Variants in COL4A6 observed in about 807,000 individuals in gnomAD.
COL4A6 encodes the protein collagen alpha-6(IV) chain.
COL4A6 carries 59 observed loss-of-function variants against 126.7 expected under a neutral mutation model. That is an observed-to-expected ratio of 0.47 (90% confidence interval 0.38 to 0.58). COL4A6 has a LOEUF of 0.58. COL4A6 is among the 20% of genes least tolerant of loss of function. COL4A6 has a pLI of 0.00. For missense variants in COL4A6, 1,285 were observed against 1,337.3 expected, an observed-to-expected ratio of 0.96 and a Z score of 0.61; for synonymous variants, 547 against 496.6, an observed-to-expected ratio of 1.10 and a Z score of -1.35.
At chrX:108,323,153 G>A (rs2039069844) in intron 2 of COL4A6, among the ~76,000 whole-genome samples, 2 of 111,789 alleles carry the variant, frequency 1.8e-5, no homozygotes, top group Admixed American at 1.9e-4. Flanking sequence ...AAAGTAGGAG[G>A]GGAAAGTAGA....
chrX:108,438,184 A>G lies in COL4A6; in HGVS notation c.11+2T>C. 8.3e-7 allele frequency: 1 copy of G among 1,201,444 alleles called. No individual in the cohort carries two copies. The highest frequency in any genetic ancestry group is 1.1e-6 in the Non-Finnish European group (1 of 891,345). ...GGGGAGCTCGGGGCAGCAACAGCTC[A>G]CCCAGGGTGCATGCTTGCGGCTCCT... On this transcript the variant is annotated splice_donor_variant, in intron 1 of 44. Coordinates refer to ENST00000334504, the MANE Select transcript of COL4A6 (RefSeq NM_033641.4). LOFTEE classifies it high-confidence loss of function.
Position 108,217,661 on chromosome X carries a change from C to T in COL4A6, c.324+2037G>A, listed in dbSNP as rs545482628. Among the ~76,000 whole-genome samples the T allele has an allele frequency of 1.3e-4, 14 of 110,890 alleles. No homozygotes were observed. In the South Asian group the frequency reaches 5.5e-3, roughly 43 times the overall value. On this transcript the variant is annotated intron_variant, in intron 5 of 44. Coordinates refer to ENST00000334504, the MANE Select transcript of COL4A6 (RefSeq NM_033641.4). ...TATTTGAGACGGGTACCAATGACTC[C>T]TGGGAGATTAGAAATGGAAGGAAGA...
rs111670960 is a variant in COL4A6 at position 108,438,061 on chromosome X, C to T, written c.12-68G>A. 2.6e-5 allele frequency: 31 copies of T among 1,196,457 alleles called. No individual in the cohort carries two copies. The African/African-American group carries it at 2.8e-4, about 11-fold the overall frequency. On this transcript the variant is annotated intron_variant, in intron 1 of 44. Transcript: ENST00000334504. The stretch of plus-strand genomic sequence containing the variant: ...GGGGTCGTGCGTCTGCCTGTCGCCC[C>T]CCGAACCCTTTTGGATGCCTGCTCC...
rs1051067786 is a variant in COL4A6 at position 108,157,383 on chromosome X, C to T, written c.4813-123G>A. Reference sequence around the variant, plus strand: ...ATTCCTAAGCCCTGGTTCCTTGTCTCAGCCCCCAGTTCAAGCCAGCATACC... The same window carrying T: ...ATTCCTAAGCCCTGGTTCCTTGTCTTAGCCCCCAGTTCAAGCCAGCATACC... On this transcript the variant is annotated intron_variant, in intron 44 of 44. Transcript: ENST00000334504. 198 of 995,622 alleles carry T rather than the reference C, an allele frequency of 2.0e-4. 1 individual carries two copies. The East Asian group carries it at 5.4e-3, about 27-fold the overall frequency. The allele number at this position is 995,622 out of a possible 1,213,427, so 82.1% of individuals were successfully genotyped here.
intron 2 of COL4A6, among the ~76,000 whole-genome samples, chrX:108,361,917 C>T (rs767519552): frequency 8.9e-6 from 1 of 112,115 alleles, no homozygotes; most frequent in East Asian, 2.8e-4. Context: ...GGCTTACAAT[C>T]TCATCAGAAA....
rs749420361 is a variant in COL4A6 at position 108,264,504 on chromosome X, G to T, written c.145-43130C>A. Among the ~76,000 whole-genome samples the T allele has an allele frequency of 3.6e-5, 4 of 111,776 alleles. No homozygotes were observed. The South Asian group carries it at 1.1e-3, about 32-fold the overall frequency. ...CTTTCTCCTAGGCCATGGTATGCAG[G>T]AGAGCGCTTGAGCTTCAGAATTAAA... On this transcript the variant is annotated intron_variant, in intron 3 of 44. Coordinates refer to ENST00000334504, the MANE Select transcript of COL4A6 (RefSeq NM_033641.4).
intron 2 of COL4A6, among the ~76,000 whole-genome samples, chrX:108,405,600 C>T (rs1005242590): frequency 4.5e-5 from 5 of 111,442 alleles, no homozygotes; most frequent in African/African-American, 1.3e-4. Context: ...GCCTGGACTC[C>T]ATTATCAGAT....
chrX:108,281,220 C>A (rs371213983), intron 3 of COL4A6, among the ~76,000 whole-genome samples: 1 of 94,194 alleles, frequency 1.1e-5, no homozygotes, highest in Non-Finnish European at 2.1e-5. Flanking sequence ...TGTTTGCAGA[C>A]GACATGATTG....
chrX:108,371,703 C>A (rs910148748), intron 2 of COL4A6, among the ~76,000 whole-genome samples: 3 of 108,029 alleles, frequency 2.8e-5, no homozygotes. Flanking sequence ...GTGGCAGTGA[C>A]CCATGATTGT....
intron 3 of COL4A6, among the ~76,000 whole-genome samples, chrX:108,262,884 T>C (rs1478251586): frequency 1.8e-5 from 2 of 111,677 alleles, no homozygotes; most frequent in African/African-American, 6.5e-5. Flanking sequence ...CTACATTTCA[T>C]TTGATTATTT....
At chrX:108,243,299 C>A (rs772478722) in intron 3 of COL4A6, among the ~76,000 whole-genome samples, 1 of 96,717 alleles carries the variant, frequency 1.0e-5, no homozygotes. Flanking sequence ...TATGTTGAAG[C>A]CCCCCTCCCC....
Position 108,188,677 on chromosome X carries a change from C to T in COL4A6, c.1427G>A (p.Gly476Glu). The T allele has an allele frequency of 8.8e-7, 1 of 1,140,999 alleles. No individual in the cohort carries two copies. The highest frequency in any genetic ancestry group is 2.2e-5 in the South Asian group (1 of 46,281). 94.0% of individuals were successfully genotyped at this position (1,140,999 alleles called of 1,213,427 possible). ...KGNLGLKGIKGDSGFCACDGG... is the reference protein window; with the variant it reads ...KGNLGLKGIKEDSGFCACDGG... ...GTCACAAGCACAGAAACCTGAGTCT[C>T]CTGGGAGAAAAAGACAACATAGAAC... The change falls in exon 21 of 45, where the codon GGA becomes GAA. Residue 476 changes from glycine to glutamate, a missense_variant and splice_region_variant. Gly to Glu is a moderately conservative substitution (Grantham distance 98). Transcript: ENST00000334504.
At chrX:108,419,725 T>C (rs1306334198) in intron 2 of COL4A6, among the ~76,000 whole-genome samples, 2 of 111,961 alleles carry the variant, frequency 1.8e-5, no homozygotes, top group Non-Finnish European at 3.8e-5. Flanking sequence ...CACAGAATTA[T>C]AGCTATTCTA....
At chrX:108,339,081 C>G (rs753232918) in intron 2 of COL4A6, among the ~76,000 whole-genome samples, 1 of 112,047 alleles carries the variant, frequency 8.9e-6, no homozygotes, top group African/African-American at 3.2e-5. Context: ...TAATCAGTAC[C>G]TCTGACTCTG....
At chrX:108,430,540 T>C (rs1458008021) in intron 2 of COL4A6, among the ~76,000 whole-genome samples, 1 of 111,676 alleles carries the variant, frequency 9.0e-6, no homozygotes, top group East Asian at 2.8e-4. Flanking sequence ...AGTGGCAATG[T>C]AGAGATAAGG....
intron 23 of COL4A6, among the ~76,000 whole-genome samples, chrX:108,185,483 G>A (rs755470692): frequency 1.5e-3 from 161 of 110,606 alleles, no homozygotes; most frequent in Middle Eastern, 9.4e-3. Flanking sequence ...GAATTATCAA[G>A]TTTTAACCTG....
At chrX:108,435,604 A>T (rs1478141945) in intron 2 of COL4A6, among the ~76,000 whole-genome samples, 1 of 112,143 alleles carries the variant, frequency 8.9e-6, no homozygotes, top group Non-Finnish European at 1.9e-5. Flanking sequence ...AATTGTGCAA[A>T]TATTTCACCT....
At chrX:108,382,902 C>T (rs1341533044) in intron 2 of COL4A6, among the ~76,000 whole-genome samples, 2 of 106,706 alleles carry the variant, frequency 1.9e-5, no homozygotes, top group Admixed American at 1.0e-4. Flanking sequence ...GAGCGGAGAT[C>T]ATGCCACTGT....
intron 24 of COL4A6, 53 bp downstream of exon 24, chrX:108,180,844 C>A (rs1451710735): frequency 5.3e-5 from 58 of 1,104,188 alleles, no homozygotes; most frequent in Non-Finnish European, 6.6e-5. Context: ...GCTTCCTTTG[C>A]CTTATGGCCC....
Sources: gnomAD v4.1 joint callset for allele counts (sites outside exome capture counted in the v4.1 genomes callset) on GRCh38, gnomAD v4.1.1 for gene constraint, MANE v1.5 for transcripts, NCBI Gene and HGNC (gene_info 2026-07-23, HGNC 2026-07-21) for gene names.